The following SKOR1 variants were observed in gnomAD, a reference collection of about 807,000 sequenced individuals.
SKOR1 encodes LBX1 corepressor 1.
A neutral mutation model predicts 72.4 loss-of-function variants in SKOR1; 38 were observed. The observed-to-expected ratio is 0.52, with a 90% CI of 0.40 to 0.69. SKOR1 has a LOEUF of 0.69. SKOR1 is among the 30% of genes least tolerant of loss of function. The pLI is 0.00. For synonymous variants in SKOR1, 642 were observed against 599.4 expected, an observed-to-expected ratio of 1.07 and a Z score of -1.04; for missense variants, 1,320 against 1,343.2, an observed-to-expected ratio of 0.98 and a Z score of 0.27.
intron 4 of SKOR1, 65 bp from the exon 5 acceptor site, chr15:67,830,753 C>A: frequency 6.6e-7 from 1 of 1,516,840 alleles, no homozygotes; most frequent in Non-Finnish European, 9.2e-7. Flanking sequence ...TCCTGGGAAG[C>A]TCACCCCTCC....
chr15:67,830,410 G>T, intron 4 of SKOR1, 112 bp downstream of exon 4: 1 of 891,196 alleles, frequency 1.1e-6, no homozygotes, highest in South Asian at 1.5e-5. Flanking sequence ...GTAAGCGGCT[G>T]CCAGTCTTCT....
At position 67,832,830 on chromosome 15, in the gene SKOR1, G is replaced by A. The variant is rs2091019193; in HGVS notation, c.2737+149G>A. On this transcript the variant is annotated intron_variant, in intron 7 of 8. Coordinates refer to ENST00000380035, the MANE Select transcript of SKOR1 (RefSeq NM_001365915.1). The surrounding 1 kb of genome is among the most constrained non-coding windows in gnomAD (Gnocchi z 4.5). ...TAATATGCTTTGTATACTCTGATTAGCCTCAGAATGGCAAGCGAGCCCAGC... is the reference window on the plus strand; with the variant it reads ...TAATATGCTTTGTATACTCTGATTAACCTCAGAATGGCAAGCGAGCCCAGC... 1.5e-6 allele frequency: 1 copy of A among 678,862 alleles called. No individual in the cohort carries two copies. Among genetic ancestry groups the A allele is most frequent in the Middle Eastern group, 3.7e-4 (1 of 2,708 alleles). 42.1% of individuals were successfully genotyped at this position (678,862 alleles called of 1,614,324 possible). A position where few individuals can be genotyped will look rare whatever the true frequency, so the allele number is the denominator to read the frequency against.
Position 67,827,514 on chromosome 15 carries a change from G to T in SKOR1, c.1686G>T (p.Leu562=). The part of the protein sequence containing the change: ...RCPSALSRGP[L]DEDGTDEALP... ...CGAGCGCTCTGTCCCGCGGGCCCCT[G>T]GACGAAGACGGCACGGACGAGGCGC... The change falls in exon 2 of 9, where the codon CTG becomes CTT. Residue 562 remains leucine, a synonymous_variant. Coordinates refer to ENST00000380035, the MANE Select transcript of SKOR1 (RefSeq NM_001365915.1). The T allele has an allele frequency of 6.6e-7, 1 of 1,523,466 alleles. No homozygotes were observed. Among genetic ancestry groups the T allele is most frequent in the East Asian group, 2.5e-5 (1 of 39,694 alleles). The allele number at this position is 1,523,466 out of a possible 1,614,324, so 94.4% of individuals were successfully genotyped here. A position where few individuals can be genotyped will look rare whatever the true frequency, so the allele number is the denominator to read the frequency against.
chr15:67,828,251 G>A (rs1048130763), intron 2 of SKOR1, 107 bp downstream of exon 2: 2 of 1,351,048 alleles, frequency 1.5e-6, no homozygotes, highest in Non-Finnish European at 1.9e-6. Context: ...GCAGGCGTGG[G>A]AGCAGCAGGC....
intron 5 of SKOR1, among the ~76,000 whole-genome samples, chr15:67,831,577 T>A (rs4776987): frequency 0.25 from 37,676 of 152,066 alleles, 5,620 homozygotes; most frequent in East Asian, 0.59. Flanking sequence ...GCCACATCTA[T>A]CCCTCTGGAG....
rs1358424888 is a variant in SKOR1, at chr15:67,826,675, C to A, written c.847C>A (p.Gln283Lys). 1 of 1,590,336 alleles carries A rather than the reference C, an allele frequency of 6.3e-7. No homozygotes were observed. The highest frequency in any genetic ancestry group is 1.3e-5 in the African/African-American group (1 of 74,416). ...GGTRKRTFSL[Q>K]GGGGGGANGG... ...CACGCGCAAGCGGACCTTCTCCCTA[C>A]AAGGAGGCGGCGGAGGCGGTGCCAA... Residue 283 changes from glutamine (Q) to lysine (K), a missense_variant, in exon 2 of 9, where the codon CAA becomes AAA. By Grantham distance (53) the Gln-to-Lys change is moderately conservative. Around this residue, in one of 3 missense-constraint regions of SKOR1, gnomAD observed 1,099 missense variants for 1,025.5 expected, o/e 1.07. Transcript: ENST00000380035.
chr15:67,828,438 C>T (rs1212690355), intron 2 of SKOR1, among the ~76,000 whole-genome samples: 1 of 152,118 alleles, frequency 6.6e-6, no homozygotes, highest in African/African-American at 2.4e-5. Flanking sequence ...CTGCCAGACA[C>T]AGAGACAGAA....
chr15:67,831,594 C>G (rs1164857081), intron 5 of SKOR1, among the ~76,000 whole-genome samples: 2 of 152,152 alleles, frequency 1.3e-5, no homozygotes, highest in East Asian at 1.9e-4. Context: ...GGAGTTGGTT[C>G]TGAGGGCACT....
Position 67,832,464 on chromosome 15 carries a change from C to G in SKOR1, c.2662+116C>G. The G allele has an allele frequency of 7.4e-7, 1 of 1,349,464 alleles. No homozygotes were observed. The highest frequency in any genetic ancestry group is 1.0e-6 in the Non-Finnish European group (1 of 953,358). The allele number at this position is 1,349,464 out of a possible 1,614,324, so 83.6% of individuals were successfully genotyped here. On this transcript the variant is annotated intron_variant, in intron 6 of 8. Coordinates refer to ENST00000380035, the MANE Select transcript of SKOR1 (RefSeq NM_001365915.1). The surrounding 1 kb of genome is among the most constrained non-coding windows in gnomAD (Gnocchi z 4.5). Reference sequence around the variant, plus strand: ...CTGGTACTAGGTGCCCTGCAGGAGACAAGAAACTGTCCTTTTCCAGGGCTG... The same window carrying G: ...CTGGTACTAGGTGCCCTGCAGGAGAGAAGAAACTGTCCTTTTCCAGGGCTG...
intron 5 of SKOR1, among the ~76,000 whole-genome samples, chr15:67,831,906 G>T (rs201807433): frequency 2.0e-4 from 18 of 88,574 alleles, no homozygotes; most frequent in South Asian, 4.9e-4. Flanking sequence ...GGCGGTGCGG[G>T]GGGGGGAGGT....
rs374011660 is a variant in SKOR1, at chr15:67,833,305, G to A, written c.2803+48G>A. 1.1e-4 allele frequency: 175 copies of A among 1,592,008 alleles called. No homozygotes were observed. In the African/African-American group the frequency reaches 2.2e-3, roughly 20 times the overall value. ...ATAGGAGGGGTGCTGGGTGCCGGCCGTGCTGTCGACTGAATGAATGAATAG... is the reference window on the plus strand; with the variant it reads ...ATAGGAGGGGTGCTGGGTGCCGGCCATGCTGTCGACTGAATGAATGAATAG... On this transcript the variant is annotated intron_variant, in intron 8 of 8. Transcript: ENST00000380035. This position sits in a 1 kb window ranked among gnomAD's most constrained non-coding sequence, Gnocchi z 6.0.
Position 67,826,924 on chromosome 15 carries a change from G to A in SKOR1, c.1096G>A (p.Gly366Ser). ...GGCGGGCCCAGGAGGGCCCGGTGGC[G>A]GCGCCGGCGTACGAAGCTACCCGGT... Reference protein sequence around the residue: ...GPAGPGGPGGGAGVRSYPVIP... With the variant: ...GPAGPGGPGGSAGVRSYPVIP... The change falls in exon 2 of 9, where the codon GGC becomes AGC. Residue 366 changes from glycine to serine, a missense_variant. Physicochemically the swap from Gly to Ser is moderately conservative, Grantham distance 56. Coordinates refer to ENST00000380035, the MANE Select transcript of SKOR1 (RefSeq NM_001365915.1). 6.4e-7 allele frequency: 1 copy of A among 1,566,934 alleles called. No homozygotes were observed. Among genetic ancestry groups the A allele is most frequent in the African/African-American group, 1.4e-5 (1 of 73,454 alleles).
Position 67,829,147 on chromosome 15 carries a change from C to G in SKOR1, c.2317-32C>G, listed in dbSNP as rs768687800. The G allele has an allele frequency of 6.6e-6, 10 of 1,514,190 alleles. No individual in the cohort carries two copies. In the Admixed American group the frequency reaches 2.0e-4, roughly 31 times the overall value. The allele number at this position is 1,514,190 out of a possible 1,614,324, so 93.8% of individuals were successfully genotyped here. On this transcript the variant is annotated intron_variant, in intron 2 of 8. Transcript: ENST00000380035. ...TCTTTGGGCCGCCGCAGGGCGCCAC[C>G]CTAATCGCCTGTCATTTCTCGGCCG...
At position 67,833,019 on chromosome 15, in the gene SKOR1, C is replaced by T; in HGVS notation, c.2738-173C>T. ...TCTGCCTTTAAGCGCCATCCCAGGC[C>T]ATTTCCTTCCTCCGCCAGTCTGCAG... On this transcript the variant is annotated intron_variant, in intron 7 of 8. Coordinates refer to ENST00000380035, the MANE Select transcript of SKOR1 (RefSeq NM_001365915.1). This position sits in a 1 kb window ranked among gnomAD's most constrained non-coding sequence, Gnocchi z 6.0. 1.5e-6 allele frequency: 1 copy of T among 673,362 alleles called. No individual in the cohort carries two copies. The highest frequency in any genetic ancestry group is 2.6e-6 in the Non-Finnish European group (1 of 390,438). 41.7% of individuals were successfully genotyped at this position (673,362 alleles called of 1,614,324 possible).
Position 67,826,675 on chromosome 15 carries a change from C to T in SKOR1, c.847C>T (p.Gln283Ter). The change falls in exon 2 of 9, where the codon CAA becomes TAA. Residue 283 changes from glutamine to a stop codon, truncating the protein, a stop_gained. Transcript: ENST00000380035. LOFTEE classifies it high-confidence loss of function. The part of the protein sequence containing the change: ...GGTRKRTFSL[Q>*]GGGGGGANGG... ...CACGCGCAAGCGGACCTTCTCCCTA[C>T]AAGGAGGCGGCGGAGGCGGTGCCAA... 6.3e-7 allele frequency: 1 copy of T among 1,590,454 alleles called. No homozygotes were observed. The highest frequency in any genetic ancestry group is 8.6e-7 in the Non-Finnish European group (1 of 1,168,506).
intron 4 of SKOR1, 130 bp downstream of exon 4, chr15:67,830,428 C>G (rs2091000262): frequency 1.3e-6 from 1 of 782,714 alleles, no homozygotes; most frequent in South Asian, 1.7e-5. Flanking sequence ...TCTTCCTCGG[C>G]GAGCAGATAA....
chr15:67,825,926 T>C lies in SKOR1; in HGVS notation c.108-10T>C, dbSNP rs775420997. 2.0e-6 allele frequency: 3 copies of C among 1,513,002 alleles called. No homozygotes were observed. Among genetic ancestry groups the C allele is most frequent in the Non-Finnish European group, 2.6e-6 (3 of 1,134,500 alleles). 93.7% of individuals were successfully genotyped at this position (1,513,002 alleles called of 1,614,324 possible). On this transcript the variant is annotated splice_polypyrimidine_tract_variant and intron_variant, in intron 1 of 8. Transcript: ENST00000380035. The surrounding 1 kb of genome is among the most constrained non-coding windows in gnomAD (Gnocchi z 5.6). ...TGGCTCATCTGCTCTCTGCTTTCTC[T>C]ATTTCGCAGGAGCGGCGGCATGGAG... is the stretch of plus-strand genomic sequence containing the variant.
chr15:67,830,955 G>T, intron 5 of SKOR1, 66 bp downstream of exon 5: 7 of 1,510,576 alleles, frequency 4.6e-6, no homozygotes, highest in Non-Finnish European at 6.4e-6. Flanking sequence ...CCTGTAGAGG[G>T]GTGTTATCCC....
chr15:67,832,595 C>A lies in SKOR1; in HGVS notation c.2663-12C>A. ...CTGTGCGTAACAGCTCTCACTTAAT[C>A]AATTTGCACAGATAATTTTCAGGAT... is the stretch of plus-strand genomic sequence containing the variant. On this transcript the variant is annotated splice_polypyrimidine_tract_variant and intron_variant, in intron 6 of 8. Coordinates refer to ENST00000380035, the MANE Select transcript of SKOR1 (RefSeq NM_001365915.1). This position sits in a 1 kb window ranked among gnomAD's most constrained non-coding sequence, Gnocchi z 4.5. The A allele has an allele frequency of 6.2e-7, 1 of 1,612,708 alleles. No homozygotes were observed. Among genetic ancestry groups the A allele is most frequent in the South Asian group, 1.1e-5 (1 of 90,932 alleles).
Sources: gnomAD v4.1 joint callset for allele counts (sites outside exome capture counted in the v4.1 genomes callset) on GRCh38, gnomAD v4.1.1 for gene constraint, gnomAD v4.1.1 regional missense constraint, Gnocchi (gnomAD v3.1) non-coding constraint, MANE v1.5 for transcripts, NCBI Gene and HGNC (gene_info 2026-07-23, HGNC 2026-07-21) for gene names.